Variants in PIKFYVE observed in about 807,000 individuals in gnomAD.
PIKFYVE encodes 1-phosphatidylinositol 3-phosphate 5-kinase.
PIKFYVE carries 122 observed loss-of-function variants against 257.9 expected under a neutral mutation model. That is an observed-to-expected ratio of 0.47 (90% confidence interval 0.41 to 0.55). PIKFYVE has a LOEUF of 0.55. Ranked by LOEUF, PIKFYVE falls within the 20% of genes least tolerant of loss-of-function variation. The pLI is 0.00. For synonymous variants in PIKFYVE, 892 were observed against 868.9 expected (o/e 1.03, Z -0.47); for missense variants, 2,160 against 2,536.6 (o/e 0.85, Z 3.19).
chr2:208,319,934 T>C (rs1230719181), intron 16 of PIKFYVE, among the ~76,000 whole-genome samples: 1 of 151,774 alleles, frequency 6.6e-6, no homozygotes, highest in African/African-American at 2.4e-5. Flanking sequence ...TAAATACTGC[T>C]CCCTCCGTGC....
At chr2:208,296,877 G>A (rs1693059217) in intron 7 of PIKFYVE, among the ~76,000 whole-genome samples, 1 of 152,224 alleles carries the variant, frequency 6.6e-6, no homozygotes, top group Non-Finnish European at 1.5e-5. Flanking sequence ...GGCAGTCTCA[G>A]TGGGTTGTTT....
intron 3 of PIKFYVE, chr2:208,274,105 G>A (rs1393276155): frequency 2.6e-6 from 4 of 1,566,966 alleles, no homozygotes; most frequent in East Asian, 4.5e-5. Context: ...GGGTGCTAGT[G>A]AAATGTGATA....
chr2:208,277,011 C>T (rs1461563018), intron 4 of PIKFYVE, among the ~76,000 whole-genome samples, 181 bp downstream of exon 4: 1 of 152,088 alleles, frequency 6.6e-6, no homozygotes, highest in African/African-American at 2.4e-5. Flanking sequence ...CAGTTTTTTT[C>T]CCGTTATCCT....
intron 7 of PIKFYVE, among the ~76,000 whole-genome samples, chr2:208,290,417 C>T (rs942159215): frequency 2.6e-5 from 4 of 152,144 alleles, no homozygotes; most frequent in Non-Finnish European, 5.9e-5. Context: ...TACTAATACG[C>T]ATTTAAGTTT....
intron 12 of PIKFYVE, among the ~76,000 whole-genome samples, chr2:208,307,846 CAA>C (rs147229266): frequency 0.049 from 7,484 of 152,022 alleles, 383 homozygotes; most frequent in African/African-American, 0.13. Context: ...ATTTTGTAGA[CAA>C]AGAGGACAAT....
intron 13 of PIKFYVE, among the ~76,000 whole-genome samples, chr2:208,313,581 A>ATT (rs35491714): frequency 0.019 from 2,463 of 127,720 alleles, 88 homozygotes; most frequent in African/African-American, 0.067. Flanking sequence ...TCAGTTTGTG[A>ATT]TTTTTTTTTT....
rs6704757 is a variant in PIKFYVE, at chr2:208,337,652, A to G, written c.4611+724A>G. On this transcript the variant is annotated intron_variant, in intron 28 of 41. Coordinates refer to ENST00000264380, the MANE Select transcript of PIKFYVE (RefSeq NM_015040.4). ...GCTTAATTCCAGGAAGCGAGCTACTATTTAGAATGCAATTCTCAAAGTGTG... is the reference window on the plus strand; with the variant it reads ...GCTTAATTCCAGGAAGCGAGCTACTGTTTAGAATGCAATTCTCAAAGTGTG... Among the ~76,000 whole-genome samples, 987 of 152,168 alleles carry G rather than the reference A, an allele frequency of 6.5e-3. 6 individuals carry two copies. The highest frequency in any genetic ancestry group is 0.022 in the African/African-American group (922 of 41,520).
rs1227967534 is a variant in PIKFYVE, at chr2:208,285,720, T to C, written c.614-6T>C. On this transcript the variant is annotated splice_region_variant and splice_polypyrimidine_tract_variant and intron_variant, in intron 5 of 41. Coordinates refer to ENST00000264380, the MANE Select transcript of PIKFYVE (RefSeq NM_015040.4). ...CCTTGTTTTTGTTTTTGTTTTTTTC[T>C]CCTAGGAGACCTCCGAGCTTGCACA... 1 of 1,612,278 alleles carries C rather than the reference T, an allele frequency of 6.2e-7. No homozygotes were observed. Among genetic ancestry groups the C allele is most frequent in the South Asian group, 1.1e-5 (1 of 91,032 alleles).
intron 12 of PIKFYVE, chr2:208,305,275 G>A: frequency 7.5e-7 from 1 of 1,330,778 alleles, no homozygotes; most frequent in Non-Finnish European, 9.7e-7. Flanking sequence ...ACATCTGACT[G>A]CTCTTCCCAT....
chr2:208,304,777 T>C (rs1234714608), intron 11 of PIKFYVE, 69 bp from the exon 12 acceptor site: 4 of 1,455,362 alleles, frequency 2.7e-6, no homozygotes, highest in Non-Finnish European at 3.9e-6. Context: ...TTTCCTCCAA[T>C]ACCCTGATAA....
chr2:208,274,336 T>A (rs192505251), intron 3 of PIKFYVE, among the ~76,000 whole-genome samples: 6 of 152,176 alleles, frequency 3.9e-5, no homozygotes, highest in Non-Finnish European at 8.8e-5. Context: ...ATTGAGAGAT[T>A]AGAAAAAGAG....
rs913926102 is a variant in PIKFYVE, at chr2:208,268,264, G to A, written c.-10+1849G>A. Reference sequence around the variant, plus strand: ...TTTTTATCTTCTTATTTCCAAAGCCGAGTATAATTTTTGTGTAGATAACCT... The same window carrying A: ...TTTTTATCTTCTTATTTCCAAAGCCAAGTATAATTTTTGTGTAGATAACCT... On this transcript the variant is annotated intron_variant, in intron 1 of 41. Coordinates refer to ENST00000264380, the MANE Select transcript of PIKFYVE (RefSeq NM_015040.4). Among the ~76,000 whole-genome samples the A allele has an allele frequency of 4.6e-5, 7 of 152,206 alleles. No individual in the cohort carries two copies. In the East Asian group the frequency reaches 1.2e-3, roughly 25 times the overall value.
chr2:208,284,354 A>G (rs976241962), intron 5 of PIKFYVE, among the ~76,000 whole-genome samples: 1 of 148,880 alleles, frequency 6.7e-6, no homozygotes, highest in South Asian at 2.1e-4. Context: ...TCTGCCTCCC[A>G]GGTTCAAGCG....
At position 208,325,512 on chromosome 2, in the gene PIKFYVE, G is replaced by A. The variant is rs1293626366; in HGVS notation, c.2701G>A (p.Ala901Thr). 1 of 1,614,028 alleles carries A rather than the reference G, an allele frequency of 6.2e-7. No individual in the cohort carries two copies. Among genetic ancestry groups the A allele is most frequent in the Admixed American group, 1.7e-5 (1 of 59,992 alleles). ...SLIEGRGHEGAVQEQYGGGSI... is the reference protein window; with the variant it reads ...SLIEGRGHEGTVQEQYGGGSI... Reference sequence around the variant, plus strand: ...GATTGAGGGACGAGGGCATGAGGGGGCTGTCCAAGAGCAGTACGGTGGAGG... The same window carrying A: ...GATTGAGGGACGAGGGCATGAGGGGACTGTCCAAGAGCAGTACGGTGGAGG... Residue 901 changes from alanine (A) to threonine (T), a missense_variant, in exon 20 of 42, where the codon GCT becomes ACT. Ala to Thr is a moderately conservative substitution (Grantham distance 58). This residue lies in a region of PIKFYVE where 522 missense variants were observed against 514.6 expected (regional missense o/e 1.01). Transcript: ENST00000264380.
intron 15 of PIKFYVE, among the ~76,000 whole-genome samples, chr2:208,317,591 A>G (rs1695690773): frequency 6.6e-6 from 1 of 152,180 alleles, no homozygotes; most frequent in Non-Finnish European, 1.5e-5. Flanking sequence ...TTTAACTTAA[A>G]CAATAGTGTT....
Position 208,335,908 on chromosome 2 carries a change from T to C in PIKFYVE, c.4365+7T>C, listed in dbSNP as rs1698092529. 1 of 1,601,794 alleles carries C rather than the reference T, an allele frequency of 6.2e-7. No individual in the cohort carries two copies. ...TATTTTTGCACAGAAAGAGGTAATTTATTTCTTTGGTAGAAAATTCAAAAG... is the reference window on the plus strand; with the variant it reads ...TATTTTTGCACAGAAAGAGGTAATTCATTTCTTTGGTAGAAAATTCAAAAG... On this transcript the variant is annotated splice_region_variant and intron_variant, in intron 26 of 41. Coordinates refer to ENST00000264380, the MANE Select transcript of PIKFYVE (RefSeq NM_015040.4).
intron 35 of PIKFYVE, 120 bp from the exon 36 acceptor site, chr2:208,349,904 T>C (rs1699611318): frequency 2.8e-6 from 4 of 1,419,922 alleles, no homozygotes; most frequent in Non-Finnish European, 3.8e-6. Context: ...GTGACTTGAG[T>C]AGGATATTTT....
At chr2:208,341,271 G>C (rs960986046) in intron 31 of PIKFYVE, among the ~76,000 whole-genome samples, 1 of 152,074 alleles carries the variant, frequency 6.6e-6, no homozygotes. Flanking sequence ...GTCTCCCAAA[G>C]TACTGAGCTA....
At chr2:208,294,161 GT>G (rs1200976190) in intron 7 of PIKFYVE, among the ~76,000 whole-genome samples, 1 of 152,102 alleles carries the variant, frequency 6.6e-6, no homozygotes, top group African/African-American at 2.4e-5. Context: ...ATAGCCTCAA[GT>G]TCAAAGATTC....
Sources: gnomAD v4.1 joint callset for allele counts (sites outside exome capture counted in the v4.1 genomes callset) on GRCh38, gnomAD v4.1.1 for gene constraint, gnomAD v4.1.1 regional missense constraint, MANE v1.5 for transcripts, NCBI Gene and HGNC (gene_info 2026-07-23, HGNC 2026-07-21) for gene names.